The following STK3 variants were observed in gnomAD, a reference collection of about 807,000 sequenced individuals.
The protein encoded by STK3 is serine/threonine-protein kinase 3.
A neutral mutation model predicts 58.0 loss-of-function variants in STK3; 41 were observed. That is an observed-to-expected ratio of 0.71 (90% CI 0.55 to 0.92). The LOEUF (loss-of-function observed/expected upper bound fraction) is 0.92, where lower values mean the gene tolerates loss of function less well. Among genes scored for constraint, STK3 ranks in the 40% least tolerant of loss-of-function variants. STK3 has a pLI of 0.00. For synonymous variants in STK3, 170 were observed against 191.0 expected, an observed-to-expected ratio of 0.89 and a Z score of 0.91; for missense variants, 479 against 602.7, an observed-to-expected ratio of 0.79 and a Z score of 2.15.
intron 6 of STK3, among the ~76,000 whole-genome samples, chr8:98,666,759 T>C (rs1008663705): frequency 6.6e-6 from 1 of 152,174 alleles, no homozygotes; most frequent in Non-Finnish European, 1.5e-5. Context: ...AGCCACTTGT[T>C]TTATTACATC....
At chr8:98,379,974 G>T (rs1480021581) in intron 1 of STK3, among the ~76,000 whole-genome samples, 4 of 152,164 alleles carry the variant, frequency 2.6e-5, no homozygotes, top group African/African-American at 9.7e-5. Context: ...CCTTAATAAA[G>T]GAGGAAATTT....
At chr8:98,704,083 C>T (rs1825800516) in intron 6 of STK3, among the ~76,000 whole-genome samples, 1 of 152,184 alleles carries the variant, frequency 6.6e-6, no homozygotes, top group Admixed American at 6.5e-5. Context: ...GACTGAGCTG[C>T]AAGCTAAATA....
At chr8:98,750,691 C>A (rs986526708) in intron 3 of STK3, among the ~76,000 whole-genome samples, 13 of 151,866 alleles carry the variant, frequency 8.6e-5, no homozygotes, top group African/African-American at 3.1e-4. Flanking sequence ...GAGCTGGTAC[C>A]ATCCCTGCTG....
intron 1 of STK3, among the ~76,000 whole-genome samples, chr8:98,893,504 G>GAAA (rs1461014502): frequency 2.5e-4 from 30 of 120,356 alleles, no homozygotes; most frequent in African/African-American, 8.8e-4. Context: ...AAGAAAGAAA[G>GAAA]AAAGAAAGAA....
chr8:98,883,416 C>T, downstream of STK3: 1 of 457,902 alleles, frequency 2.2e-6, no homozygotes, highest in Non-Finnish European at 4.0e-6. Context: ...GAAAATACAG[C>T]ATATTACAAA....
Position 98,749,317 on chromosome 8 carries a change from C to T in STK3, c.310G>A (p.Ala104Thr), listed in dbSNP as rs947958279. The T allele has an allele frequency of 2.4e-5, 39 of 1,608,160 alleles. No homozygotes were observed. Among genetic ancestry groups the T allele is most frequent in the Non-Finnish European group, 3.1e-5 (36 of 1,176,644 alleles). The change falls in exon 4 of 11, where the codon GCT (alanine) becomes ACT (threonine). Residue 104 changes from alanine (A) to threonine (T), a missense_variant. Physicochemically the swap from Ala to Thr is moderately conservative, Grantham distance 58. Transcript: ENST00000419617. ...DLWIVMEYCG[A>T]GSVSDIIRLR... ...CTAATTATGTCTGAGACAGAGCCAG[C>T]GCCACAGTACTCCATAACAATCCAG...
intron 10 of STK3, among the ~76,000 whole-genome samples, chr8:98,522,676 C>T (rs1028616285): frequency 5.9e-5 from 9 of 152,126 alleles, no homozygotes; most frequent in Non-Finnish European, 1.0e-4. Context: ...TCTTGCAAAA[C>T]GGAAACTCTG....
chr8:98,722,260 G>A (rs140279860), intron 4 of STK3, among the ~76,000 whole-genome samples: 45 of 152,258 alleles, frequency 3.0e-4, no homozygotes, highest in Middle Eastern at 3.4e-3. Flanking sequence ...GACAAAAAGC[G>A]ATAGTCCAAA....
chr8:98,596,036 A>G lies in STK3; in HGVS notation c.818T>C (p.Leu273Ser). The G allele has an allele frequency of 6.2e-7, 1 of 1,613,018 alleles. No individual in the cohort carries two copies. The highest frequency in any genetic ancestry group is 8.5e-7 in the Non-Finnish European group (1 of 1,179,356). ...PEQRATATQL[L>S]QHPFIKNAKP... ...CTTCGAGGCACAAGCACTGACCTGT[A>G]AAAGTTGTGTTGCAGTAGCTCTCTG... The change falls in exon 7 of 11, where the codon TTA becomes TCA. Residue 273 changes from leucine to serine, a missense_variant. Around this residue, in one of 3 missense-constraint regions of STK3, gnomAD observed 309 missense variants for 355.7 expected, o/e 0.87. Coordinates refer to ENST00000419617, the MANE Select transcript of STK3 (RefSeq NM_006281.4).
chr8:98,755,755 C>T (rs1022272223), intron 3 of STK3, among the ~76,000 whole-genome samples: 3 of 152,140 alleles, frequency 2.0e-5, no homozygotes, highest in East Asian at 3.8e-4. Context: ...CTTTTATCTG[C>T]CTCCCCCAGA....
chr8:98,673,241 C>T (rs1159223133), intron 6 of STK3, among the ~76,000 whole-genome samples: 1 of 152,178 alleles, frequency 6.6e-6, no homozygotes, highest in African/African-American at 2.4e-5. Flanking sequence ...TATTTTACAT[C>T]TAGGTCATAA....
At position 98,479,313 on chromosome 8, in the gene STK3, C is replaced by T. The variant is rs541454395; in HGVS notation, c.1318-23313G>A. On this transcript the variant is annotated intron_variant, in intron 10 of 10. Transcript: ENST00000419617. ...ACCAGCCTGGCCAACATGGTGAAAC[C>T]CTGTCTCTACTAAAAATACAAAAAT... Among the ~76,000 whole-genome samples, 3 of 152,002 alleles carry T rather than the reference C, an allele frequency of 2.0e-5. No individual in the cohort carries two copies. The South Asian group carries it at 6.2e-4, about 32-fold the overall frequency.
the STK3 span, among the ~76,000 whole-genome samples, chr8:98,347,285 C>T: frequency 6.6e-5 from 10 of 151,920 alleles, no homozygotes; most frequent in African/African-American, 2.2e-4. Context: ...GAGGCCGAGG[C>T]GGGCGGATCA....
At chr8:98,896,535 C>A (rs894145955) in intron 1 of STK3, among the ~76,000 whole-genome samples, 2 of 152,134 alleles carry the variant, frequency 1.3e-5, no homozygotes, top group African/African-American at 2.4e-5. Flanking sequence ...CAAACAGTAG[C>A]CTTGTCATAG....
intron 6 of STK3, among the ~76,000 whole-genome samples, chr8:98,599,934 C>T (rs1422130014): frequency 6.6e-6 from 1 of 151,968 alleles, no homozygotes; most frequent in Non-Finnish European, 1.5e-5. Flanking sequence ...CGCCATTGCA[C>T]TACAGCCTGG....
chr8:98,496,634 C>T (rs371509422), intron 10 of STK3, among the ~76,000 whole-genome samples: 4 of 151,984 alleles, frequency 2.6e-5, no homozygotes, highest in Non-Finnish European at 4.4e-5. Context: ...GAATCCTATT[C>T]GGCCTTAAAA....
At chr8:98,913,572 T>C (rs902192845) in intron 1 of STK3, among the ~76,000 whole-genome samples, 3 of 152,238 alleles carry the variant, frequency 2.0e-5, no homozygotes, top group Non-Finnish European at 4.4e-5. Flanking sequence ...TGGGACAAGG[T>C]GTCCACATGC....
At chr8:98,362,756 A>G in the STK3 span, among the ~76,000 whole-genome samples, 2 of 152,296 alleles carry the variant, frequency 1.3e-5, no homozygotes, top group East Asian at 1.9e-4. Flanking sequence ...CTAAATTCCT[A>G]TCACACAGTC....
chr8:98,686,969 A>G (rs1419377831), intron 6 of STK3, among the ~76,000 whole-genome samples: 1 of 152,218 alleles, frequency 6.6e-6, no homozygotes, highest in Non-Finnish European at 1.5e-5. Flanking sequence ...CATTCCTGAG[A>G]GAGAAGAGAA....
Sources: gnomAD v4.1 joint callset for allele counts (sites outside exome capture counted in the v4.1 genomes callset) on GRCh38, gnomAD v4.1.1 for gene constraint, gnomAD v4.1.1 regional missense constraint, MANE v1.5 for transcripts, NCBI Gene and HGNC (gene_info 2026-07-23, HGNC 2026-07-21) for gene names.